The following ACYP2 variants were observed in gnomAD, a reference collection of about 807,000 sequenced individuals.
ACYP2 encodes acylphosphatase-2.
A neutral mutation model predicts 11.2 loss-of-function variants in ACYP2; 12 were observed. The observed-to-expected ratio is 1.08, with a 90% CI of 0.69 to 1.74. The LOEUF is 1.74. Among genes scored for constraint, ACYP2 ranks in the 40% most tolerant of loss-of-function variants. The pLI is 0.00. For synonymous variants in ACYP2, 43 were observed against 32.2 expected (o/e 1.33, Z -1.13); for missense variants, 134 against 101.9 (o/e 1.31, Z -1.35).
intron 2 of ACYP2, among the ~76,000 whole-genome samples, chr2:53,987,235 G>A (rs1392546164): frequency 6.6e-6 from 1 of 151,946 alleles, no homozygotes; most frequent in Non-Finnish European, 1.5e-5. Context: ...GTTATGTCCT[G>A]TTTCTCCATC....
chr2:54,047,022 C>T (rs538872457), intron 2 of ACYP2, among the ~76,000 whole-genome samples: 98 of 152,230 alleles, frequency 6.4e-4, no homozygotes, highest in Non-Finnish European at 1.2e-3. Context: ...AACTATATTG[C>T]AGTTTTCAGT....
intron 6 of ACYP2, among the ~76,000 whole-genome samples, chr2:54,229,914 T>C (rs1021335649): frequency 6.6e-6 from 1 of 152,224 alleles, no homozygotes; most frequent in Non-Finnish European, 1.5e-5. Context: ...TTTGTTATTA[T>C]TGAGGTCTAA....
intron 2 of ACYP2, among the ~76,000 whole-genome samples, chr2:53,993,198 A>G (rs1031770072): frequency 1.7e-4 from 26 of 152,098 alleles, no homozygotes; most frequent in African/African-American, 3.9e-4. Context: ...AGAGGTTGAC[A>G]AGAAAAGGTT....
At chr2:54,073,995 T>C (rs1020941091) in intron 4 of ACYP2, among the ~76,000 whole-genome samples, 4 of 152,182 alleles carry the variant, frequency 2.6e-5, no homozygotes, top group Non-Finnish European at 5.9e-5. Flanking sequence ...AAGTTTAACA[T>C]AGAGTTGCCA....
At chr2:54,140,079 G>T (rs1316927247) in intron 6 of ACYP2, among the ~76,000 whole-genome samples, 2 of 151,940 alleles carry the variant, frequency 1.3e-5, no homozygotes, top group Admixed American at 1.3e-4. Flanking sequence ...TGAAAAGTGG[G>T]GTCCAAAAGT....
At chr2:54,169,218 G>A (rs143490764) in intron 6 of ACYP2, among the ~76,000 whole-genome samples, 62 of 152,260 alleles carry the variant, frequency 4.1e-4, no homozygotes, top group African/African-American at 1.4e-3. Context: ...ATTAGCATGT[G>A]TGGTGCCATT....
intron 2 of ACYP2, among the ~76,000 whole-genome samples, chr2:54,015,682 C>T: frequency 6.8e-6 from 1 of 147,494 alleles, no homozygotes; most frequent in Admixed American, 6.7e-5. Context: ...CACACACACA[C>T]ACACACGGCA....
intron 2 of ACYP2, among the ~76,000 whole-genome samples, chr2:54,013,352 G>A (rs1189663830): frequency 6.7e-6 from 1 of 150,062 alleles, no homozygotes; most frequent in Non-Finnish European, 1.5e-5. Flanking sequence ...CCCGGCTGGG[G>A]TGCAATGTCA....
chr2:54,256,361 C>A, intron 6 of ACYP2: 1 of 582,396 alleles, frequency 1.7e-6, no homozygotes. Context: ...TTTTAGCCAT[C>A]GTGCTGGATG....
chr2:54,249,536 A>C (rs903926992), intron 6 of ACYP2, among the ~76,000 whole-genome samples: 1 of 152,182 alleles, frequency 6.6e-6, no homozygotes, highest in African/African-American at 2.4e-5. Context: ...AGTCACTCAG[A>C]AAGCGTTTAA....
chr2:54,154,825 T>C (rs1441414144), intron 6 of ACYP2, among the ~76,000 whole-genome samples: 1 of 152,224 alleles, frequency 6.6e-6, no homozygotes, highest in Non-Finnish European at 1.5e-5. Flanking sequence ...CTTCGATTTT[T>C]TGGAAGAGTT....
At chr2:54,150,353 T>C (rs1208792471) in intron 6 of ACYP2, among the ~76,000 whole-genome samples, 2 of 152,214 alleles carry the variant, frequency 1.3e-5, no homozygotes, top group Admixed American at 1.3e-4. Context: ...GTCTAACTCA[T>C]CAAATGGTAT....
chr2:54,260,216 C>T (rs1375045010), intron 6 of ACYP2, among the ~76,000 whole-genome samples: 2 of 151,952 alleles, frequency 1.3e-5, no homozygotes, highest in Non-Finnish European at 2.9e-5. Context: ...TTTATGAAAT[C>T]GTCTTCTGAT....
At chr2:54,109,836 A>G (rs1269162449) in intron 4 of ACYP2, among the ~76,000 whole-genome samples, 1 of 152,154 alleles carries the variant, frequency 6.6e-6, no homozygotes. Context: ...ACCATTGTTA[A>G]TGATAAATGG....
At chr2:54,299,103 C>T (rs1689625764) in intron 6 of ACYP2, among the ~76,000 whole-genome samples, 4 of 152,096 alleles carry the variant, frequency 2.6e-5, no homozygotes, top group African/African-American at 9.7e-5. Context: ...GTGCTGAAGA[C>T]AGGGATTCAG....
At chr2:54,122,447 A>C (rs986370398) in intron 4 of ACYP2, among the ~76,000 whole-genome samples, 3 of 152,308 alleles carry the variant, frequency 2.0e-5, no homozygotes, top group Middle Eastern at 3.4e-3. Flanking sequence ...TTTCCAGAGC[A>C]GAGTGTCTGT....
rs111886241 is a variant in ACYP2, at chr2:54,256,253, G to A, written c.405-48435G>A. 3,979 of 1,364,126 alleles carry A rather than the reference G, an allele frequency of 2.9e-3. 73 individuals carry two copies. The African/African-American group carries it at 0.044, about 15-fold the overall frequency. The allele number at this position is 1,364,126 out of a possible 1,614,324, so 84.5% of individuals were successfully genotyped here. On this transcript the variant is annotated intron_variant, in intron 6 of 6. Coordinates refer to ENST00000607452, the MANE Select transcript of ACYP2 (RefSeq NM_001320586.2). ...GCGAGTAAACACCTCGCCCATTTGC[G>A]CCGCCCACTCTTCAGTCTCGCGACA...
At chr2:54,218,489 T>G (rs1326821689) in intron 6 of ACYP2, among the ~76,000 whole-genome samples, 1 of 152,226 alleles carries the variant, frequency 6.6e-6, no homozygotes, top group Non-Finnish European at 1.5e-5. Context: ...TGTTACAGCA[T>G]GATACTAAAC....
At chr2:53,993,514 G>A (rs1446795426) in intron 2 of ACYP2, among the ~76,000 whole-genome samples, 2 of 151,306 alleles carry the variant, frequency 1.3e-5, no homozygotes, top group South Asian at 2.1e-4. Flanking sequence ...CCTAGCCAAC[G>A]TGGCGAAACC....
Sources: allele counts gnomAD v4.1 joint callset (sites outside exome capture counted in the v4.1 genomes callset), GRCh38; gene constraint gnomAD v4.1.1; transcripts MANE v1.5; gene names NCBI Gene and HGNC (gene_info 2026-07-23, HGNC 2026-07-21).